ATP6V1E1: variants seen among roughly 807,000 people sequenced by gnomAD.
The protein encoded by ATP6V1E1 is V-type proton ATPase subunit E 1.
In ATP6V1E1, 21 loss-of-function variants were observed where a neutral mutation model predicts 35.2. The observed-to-expected ratio is 0.60, with a 90% CI of 0.42 to 0.86. The LOEUF is 0.86. Among genes scored for constraint, ATP6V1E1 ranks in the 40% least tolerant of loss-of-function variants. ATP6V1E1 has a pLI of 0.00. For synonymous variants in ATP6V1E1, 83 were observed against 87.8 expected, an observed-to-expected ratio of 0.95 and a Z score of 0.30; for missense variants, 183 against 272.6, an observed-to-expected ratio of 0.67 and a Z score of 2.32.
At chr22:17,616,631 A>G (rs1175604114) in intron 2 of ATP6V1E1, among the ~76,000 whole-genome samples, 1 of 148,854 alleles carries the variant, frequency 6.7e-6, no homozygotes, top group Non-Finnish European at 1.5e-5. Context: ...GTGAGCTGAG[A>G]TCGCGCCACT....
intron 2 of ATP6V1E1, among the ~76,000 whole-genome samples, chr22:17,618,681 CAAAAAAAAAAAAA>C (rs796136446): frequency 5.5e-5 from 4 of 72,388 alleles, no homozygotes; most frequent in East Asian, 6.7e-4. Context: ...GACTCCATCT[CAAAAAAAAAAAAA>C]AAAAAAAAAA....
intron 1 of ATP6V1E1, among the ~76,000 whole-genome samples, chr22:17,619,796 T>C (rs954896284): frequency 2.0e-5 from 3 of 152,214 alleles, no homozygotes; most frequent in African/African-American, 7.2e-5. Flanking sequence ...AGTGAGATCA[T>C]TCCTATTCTC....
chr22:17,605,794 G>T (rs767279169), intron 4 of ATP6V1E1, among the ~76,000 whole-genome samples: 1 of 144,226 alleles, frequency 6.9e-6, no homozygotes, highest in African/African-American at 2.6e-5. Flanking sequence ...TCTGCCTCCA[G>T]AGTAGCTGGG....
At chr22:17,594,686 C>T (rs1252962373) in intron 7 of ATP6V1E1, 70 bp from the exon 8 acceptor site, 1 of 1,290,584 alleles carries the variant, frequency 7.7e-7, no homozygotes, top group East Asian at 2.7e-5. Context: ...ACCCTTTACT[C>T]CCGCAGAGGA....
intron 1 of ATP6V1E1, among the ~76,000 whole-genome samples, chr22:17,622,654 C>CA (rs1010884489): frequency 5.3e-5 from 8 of 151,608 alleles, no homozygotes; most frequent in East Asian, 1.9e-4. Context: ...TATAATGAAA[C>CA]AAAAAAAAGA....
At chr22:17,616,679 CAAAA>C (rs374090230) in intron 2 of ATP6V1E1, among the ~76,000 whole-genome samples, 4 of 52,642 alleles carry the variant, frequency 7.6e-5, no homozygotes, top group Non-Finnish European at 1.1e-4. Flanking sequence ...AACTCCGGCT[CAAAA>C]AAAAAAAAAA....
chr22:17,625,224 A>G (rs2057897928), intron 1 of ATP6V1E1, among the ~76,000 whole-genome samples: 2 of 152,208 alleles, frequency 1.3e-5, no homozygotes, highest in African/African-American at 4.8e-5. Context: ...TAGGTTAAGA[A>G]TAAAATGAAA....
intron 4 of ATP6V1E1, among the ~76,000 whole-genome samples, chr22:17,604,189 G>A (rs981353787): frequency 2.0e-5 from 3 of 149,192 alleles, no homozygotes; most frequent in African/African-American, 5.1e-5. Flanking sequence ...ATTACCATCC[G>A]TGTGATAAGC....
intron 8 of ATP6V1E1, among the ~76,000 whole-genome samples, chr22:17,593,574 G>C (rs2057715919): frequency 6.6e-6 from 1 of 152,298 alleles, no homozygotes; most frequent in South Asian, 2.1e-4. Context: ...GAATTTTTCG[G>C]TTTAATTAAA....
In ATP6V1E1 at chr22:17,592,797, C is replaced by T. The variant is rs1272968394; in HGVS notation, c.619-61G>A. Reference sequence around the variant, plus strand: ...GCTGAAGAAGTTGTAGAGCGCTGCACATCTTTTTTTTTTTTTTTTTTTTGA... The same window carrying T: ...GCTGAAGAAGTTGTAGAGCGCTGCATATCTTTTTTTTTTTTTTTTTTTTGA... On this transcript the variant is annotated intron_variant, in intron 8 of 8. Coordinates refer to ENST00000253413, the MANE Select transcript of ATP6V1E1 (RefSeq NM_001696.4). 51 of 820,194 alleles carry T rather than the reference C, an allele frequency of 6.2e-5. No homozygotes were observed. The Middle Eastern group carries it at 7.3e-4, about 12-fold the overall frequency. 50.8% of individuals were successfully genotyped at this position (820,194 alleles called of 1,614,324 possible).
chr22:17,627,253 G>A (rs1183453485), intron 1 of ATP6V1E1, among the ~76,000 whole-genome samples: 7 of 151,298 alleles, frequency 4.6e-5, no homozygotes, highest in Admixed American at 2.0e-4. Context: ...TCAGCCTCCC[G>A]AGTAGCTGGG....
intron 4 of ATP6V1E1, among the ~76,000 whole-genome samples, chr22:17,611,917 T>C (rs2057817487): frequency 6.6e-6 from 1 of 152,224 alleles, no homozygotes; most frequent in Non-Finnish European, 1.5e-5. Context: ...TTTAGTTTTA[T>C]AGCTGTTTTC....
chr22:17,600,094 C>G lies in ATP6V1E1; in HGVS notation c.368G>C (p.Gly123Ala). The G allele has an allele frequency of 6.2e-7, 1 of 1,613,172 alleles. No homozygotes were observed. Reference sequence around the variant, plus strand: ...TCGGGGCTCCAGCAACTGGTACAAACCCTGGAAGAAATAGTAGATACAGTC... The same window carrying G: ...TCGGGGCTCCAGCAACTGGTACAAAGCCTGGAAGAAATAGTAGATACAGTC... ...QVLLDGLVLQ[G>A]LYQLLEPRMI... The change falls in exon 6 of 9, where the codon GGT becomes GCT. Residue 123 changes from glycine (G) to alanine (A), a missense_variant and splice_region_variant. Transcript: ENST00000253413.
At chr22:17,601,528 G>C (rs112372292) in intron 4 of ATP6V1E1, among the ~76,000 whole-genome samples, 1 of 152,032 alleles carries the variant, frequency 6.6e-6, no homozygotes, top group Non-Finnish European at 1.5e-5. Context: ...TTTTTTTTAA[G>C]GAAAAAAACC....
At position 17,614,179 on chromosome 22, in the gene ATP6V1E1, C is replaced by T. The variant is rs182105231; in HGVS notation, c.100-859G>A. ...CGGCCTGATCAACATAGAGAAACCT[C>T]GTCTCTACTAAAAATATAAAACTGG... On this transcript the variant is annotated intron_variant, in intron 2 of 8. Transcript: ENST00000253413. Among the ~76,000 whole-genome samples, 32 of 151,932 alleles carry T rather than the reference C, an allele frequency of 2.1e-4. No individual in the cohort carries two copies. In the East Asian group the frequency reaches 5.9e-3, roughly 28 times the overall value.
chr22:17,604,529 T>A (rs980875413), intron 4 of ATP6V1E1, among the ~76,000 whole-genome samples: 2 of 151,606 alleles, frequency 1.3e-5, no homozygotes, highest in Non-Finnish European at 2.9e-5. Context: ...GTTTTCTCTT[T>A]TTTTTTTTGA....
chr22:17,609,773 A>G (rs1193831585), intron 4 of ATP6V1E1, among the ~76,000 whole-genome samples: 1 of 151,986 alleles, frequency 6.6e-6, no homozygotes, highest in Non-Finnish European at 1.5e-5. Flanking sequence ...CCAGCCCCAC[A>G]CTTTCTTTTA....
intron 1 of ATP6V1E1, among the ~76,000 whole-genome samples, chr22:17,622,026 C>T (rs41472044): frequency 0.11 from 16,691 of 152,152 alleles, 1,111 homozygotes; most frequent in African/African-American, 0.18. Context: ...AATGAAGTAT[C>T]ATCTCTTGTG....
intron 1 of ATP6V1E1, among the ~76,000 whole-genome samples, chr22:17,625,533 G>A (rs376071574): frequency 8.0e-6 from 1 of 124,554 alleles, no homozygotes; most frequent in East Asian, 2.1e-4. Context: ...TGCCCGCCTC[G>A]GCCTCCCAAA....
Sources: gnomAD v4.1 joint callset for allele counts (sites outside exome capture counted in the v4.1 genomes callset) on GRCh38, gnomAD v4.1.1 for gene constraint, MANE v1.5 for transcripts, NCBI Gene and HGNC (gene_info 2026-07-23, HGNC 2026-07-21) for gene names.